The following MYB variants were observed in gnomAD, a reference collection of about 807,000 sequenced individuals.
MYB encodes transcriptional activator Myb.
A neutral mutation model predicts 92.9 loss-of-function variants in MYB; 28 were observed. That is an observed-to-expected ratio of 0.30 (90% CI 0.22 to 0.41). The LOEUF (loss-of-function observed/expected upper bound fraction) is 0.41. Among genes scored for constraint, MYB ranks in the 10% least tolerant of loss-of-function variants. MYB has a pLI of 1.00. For synonymous variants in MYB, 295 were observed against 329.1 expected (o/e 0.90, Z 1.12); for missense variants, 679 against 929.3 (o/e 0.73, Z 3.50).
intron 14 of MYB, 84 bp downstream of exon 14, chr6:135,201,833 G>A: frequency 1.6e-6 from 1 of 632,252 alleles, no homozygotes; most frequent in Non-Finnish European, 2.5e-6. Flanking sequence ...GGCTGCTGCG[G>A]TTTCAGCACT....
At chr6:135,188,710 A>G (rs1366776210) in intron 3 of MYB, among the ~76,000 whole-genome samples, 2 of 151,964 alleles carry the variant, frequency 1.3e-5, no homozygotes, top group Admixed American at 1.3e-4. Context: ...AGGTTTCACC[A>G]TATTGATCAG....
Position 135,203,030 on chromosome 6 carries a change from G to T in MYB, c.2062-187G>T, listed in dbSNP as rs1778353091. On this transcript the variant is annotated intron_variant, in intron 14 of 15. Coordinates refer to ENST00000341911, the MANE Select transcript of MYB (RefSeq NM_001130173.2). The stretch of plus-strand genomic sequence containing the variant: ...GTTGTGGTGATGTTTGCCACAATGG[G>T]ATTAAGGTTCAGACATAGTTGATTT... 4.3e-6 allele frequency: 3 copies of T among 703,076 alleles called. 1 individual carries two copies. The highest frequency in any genetic ancestry group is 3.0e-5 in the South Asian group (2 of 66,344). The allele number at this position is 703,076 out of a possible 1,614,324, so 43.6% of individuals were successfully genotyped here.
chr6:135,196,792 T>A (rs938037034), intron 9 of MYB, 169 bp from the exon 10 acceptor site: 1 of 1,556,422 alleles, frequency 6.4e-7, no homozygotes. Context: ...CACTAGACCC[T>A]GCTCTACTGC....
At chr6:135,216,524 T>C (rs1161096939) in intron 15 of MYB, among the ~76,000 whole-genome samples, 2 of 152,170 alleles carry the variant, frequency 1.3e-5, no homozygotes, top group African/African-American at 4.8e-5. Context: ...AAATAGTTGT[T>C]ATATTGTTAG....
In MYB at chr6:135,215,434, A is replaced by AT. The variant is rs527904044; in HGVS notation, c.2170-2429dup. ...GTCCCATGGGTGACATTCTTGCTCC[A>AT]TCATTTCTTACCCAGGTAACCTTGA... is the stretch of plus-strand genomic sequence containing the variant. On this transcript the variant is annotated intron_variant, in intron 15 of 15. Transcript: ENST00000341911. Among the ~76,000 whole-genome samples the AT allele has an allele frequency of 2.2e-4, 34 of 152,192 alleles. 1 individual carries two copies. The East Asian group carries it at 6.4e-3, about 29-fold the overall frequency.
chr6:135,198,500 C>T (rs534061550), intron 10 of MYB, among the ~76,000 whole-genome samples: 1 of 152,122 alleles, frequency 6.6e-6, no homozygotes, highest in African/African-American at 2.4e-5. Flanking sequence ...TTCTGTAATA[C>T]TAATTTTGGT....
rs1185516957 is a variant in MYB, at chr6:135,190,392, G to A, written c.527+45G>A. The A allele has an allele frequency of 1.4e-6, 2 of 1,459,484 alleles. No homozygotes were observed. The highest frequency in any genetic ancestry group is 1.9e-6 in the Non-Finnish European group (2 of 1,045,812). 90.4% of individuals were successfully genotyped at this position (1,459,484 alleles called of 1,614,324 possible). A position where few individuals can be genotyped will look rare whatever the true frequency, so the allele number is the denominator to read the frequency against. Reference sequence around the variant, plus strand: ...TATATTGATCGGGAAGAATGAGGGAGTGGGTATTGAACATTCTGCTTTAAA... The same window carrying A: ...TATATTGATCGGGAAGAATGAGGGAATGGGTATTGAACATTCTGCTTTAAA... On this transcript the variant is annotated intron_variant, in intron 5 of 15. Coordinates refer to ENST00000341911, the MANE Select transcript of MYB (RefSeq NM_001130173.2). The surrounding 1 kb of genome is among the most constrained non-coding windows in gnomAD (Gnocchi z 4.5).
chr6:135,202,816 AT>A, intron 14 of MYB: 2 of 414,832 alleles, frequency 4.8e-6, no homozygotes, highest in Non-Finnish European at 9.4e-6. Context: ...ACTTTTCACC[AT>A]TTTTTGCCAA....
At chr6:135,210,170 A>G (rs909068542) in intron 15 of MYB, among the ~76,000 whole-genome samples, 1 of 152,212 alleles carries the variant, frequency 6.6e-6, no homozygotes, top group East Asian at 1.9e-4. Context: ...AGACATTTTT[A>G]TTGGTAGATC....
Position 135,181,390 on chromosome 6 carries a change from C to T in MYB, c.-124C>T. The T allele has an allele frequency of 1.9e-6, 1 of 538,838 alleles. No individual in the cohort carries two copies. Among genetic ancestry groups the T allele is most frequent in the Non-Finnish European group, 2.5e-6 (1 of 402,920 alleles). The allele number at this position is 538,838 out of a possible 1,614,324, so 33.4% of individuals were successfully genotyped here. On this transcript the variant is annotated 5_prime_UTR_variant, in exon 1 of 16. Transcript: ENST00000341911. This position sits in a 1 kb window ranked among gnomAD's most constrained non-coding sequence, Gnocchi z 5.3. ...TCCTCCTCTTTCTCCTGAGAAACTT[C>T]GCCCCAGCGGTGCGGAGCGCCGCTG...
At position 135,184,185 on chromosome 6, in the gene MYB, T is replaced by C. The variant is rs369018521; in HGVS notation, c.24-1718T>C. 6.6e-5 allele frequency among the ~76,000 whole-genome samples: 10 copies of C among 152,330 alleles called. No homozygotes were observed. The East Asian group carries it at 1.5e-3, about 23-fold the overall frequency. On this transcript the variant is annotated intron_variant, in intron 1 of 15. Transcript: ENST00000341911. ...ACCTGAAAAGTTAATTCGACTTGAA[T>C]CTATGACTGCAGTTTCAGATTCCTC...
In MYB at chr6:135,197,093, G is replaced by A. The variant is rs756380228; in HGVS notation, c.1336G>A (p.Glu446Lys). The A allele has an allele frequency of 6.2e-7, 1 of 1,614,000 alleles. No individual in the cohort carries two copies. The highest frequency in any genetic ancestry group is 2.2e-5 in the East Asian group (1 of 44,884). Residue 446 changes from glutamate (E) to lysine (K), a missense_variant, in exon 10 of 16, where the codon GAA becomes AAA. Glu to Lys is a moderately conservative substitution (Grantham distance 56). Transcript: ENST00000341911. ...GGGCAATGGGACTAAACCTGCAGGAGAACCTAGCCCAAGGGTGAACAAACG... is the reference window on the plus strand; with the variant it reads ...GGGCAATGGGACTAAACCTGCAGGAAAACCTAGCCCAAGGGTGAACAAACG... ...REGNGTKPAG[E>K]PSPRVNKRML...
At chr6:135,184,322 C>CT in intron 1 of MYB, among the ~76,000 whole-genome samples, 2,565 of 68,208 alleles carry the variant, frequency 0.038, 56 homozygotes, top group East Asian at 0.07. Context: ...GGCTTTATAG[C>CT]TTTTTTTTTT....
intron 15 of MYB, among the ~76,000 whole-genome samples, chr6:135,206,001 C>G (rs1269574399): frequency 1.3e-5 from 2 of 151,018 alleles, no homozygotes; most frequent in Non-Finnish European, 3.0e-5. Context: ...GTCAGGAGAT[C>G]GAGACCATCC....
chr6:135,210,383 T>A (rs1779541966), intron 15 of MYB, among the ~76,000 whole-genome samples: 1 of 152,220 alleles, frequency 6.6e-6, no homozygotes, highest in African/African-American at 2.4e-5. Flanking sequence ...GGCCTGACTT[T>A]TTTAAAACAA....
chr6:135,183,325 C>T (rs1775425660), intron 1 of MYB, among the ~76,000 whole-genome samples: 3 of 152,166 alleles, frequency 2.0e-5, no homozygotes, highest in Admixed American at 2.0e-4. Flanking sequence ...CCCTCCGAAT[C>T]ACAGTAGCGG....
intron 4 of MYB, 39 bp downstream of exon 4, chr6:135,189,922 G>A: frequency 6.4e-7 from 1 of 1,562,174 alleles, no homozygotes. Context: ...TCATAATTAA[G>A]AATATTCCCA....
intron 11 of MYB, 54 bp from the exon 12 acceptor site, chr6:135,200,031 A>G (rs1419441418): frequency 2.3e-6 from 3 of 1,330,542 alleles, no homozygotes; most frequent in Non-Finnish European, 1.1e-6. Context: ...AGGTAAAGCC[A>G]TGTAGGGACA....
chr6:135,187,776 T>C, intron 2 of MYB, 58 bp from the exon 3 acceptor site: 1 of 1,204,840 alleles, frequency 8.3e-7, no homozygotes, highest in Non-Finnish European at 1.2e-6. Flanking sequence ...TCACTTTAAC[T>C]TGAACAGAGT....
Sources: gnomAD v4.1 joint callset for allele counts (sites outside exome capture counted in the v4.1 genomes callset) on GRCh38, gnomAD v4.1.1 for gene constraint, Gnocchi (gnomAD v3.1) non-coding constraint, MANE v1.5 for transcripts, NCBI Gene and HGNC (gene_info 2026-07-23, HGNC 2026-07-21) for gene names.